NAGA: variants seen among roughly 807,000 people sequenced by gnomAD.
NAGA encodes Acetylgalactosaminidase, alpha-N- (alpha-galactosidase B).
In NAGA, 42 loss-of-function variants were observed where a neutral mutation model predicts 45.6. The observed-to-expected ratio is 0.92, with a 90% CI of 0.72 to 1.19. NAGA has a LOEUF of 1.19. NAGA is among the 50% of genes most tolerant of loss of function. The pLI is 0.00. For missense variants in NAGA, 493 were observed against 544.8 expected, an observed-to-expected ratio of 0.90 and a Z score of 0.95; for synonymous variants, 176 against 203.1, an observed-to-expected ratio of 0.87 and a Z score of 1.13.
In NAGA at chr22:42,061,040, G is replaced by A. The variant is rs121434530; in HGVS notation, c.985C>T (p.Arg329Trp). The A allele has an allele frequency of 6.2e-6, 10 of 1,614,164 alleles. No homozygotes were observed. Among genetic ancestry groups the A allele is most frequent in the East Asian group, 4.5e-5 (2 of 44,890 alleles). ...GCGCTAGCCTTGTTGGACAGAGGCC[G>A]CATGTACACTTCGATGAGAGATTTT... ...KEKSLIEVYMRPLSNKASALV... is the reference protein window; with the variant it reads ...KEKSLIEVYMWPLSNKASALV... The change falls in exon 8 of 9, where the codon CGG becomes TGG. Residue 329 changes from arginine (R) to tryptophan (W), a missense_variant. By Grantham distance (101) the Arg-to-Trp change is moderately radical. Transcript: ENST00000396398.
Position 42,062,919 on chromosome 22 carries a change from TG to T in NAGA, c.864del (p.Ile289SerfsTer14). 6.2e-7 allele frequency: 1 copy of T among 1,614,140 alleles called. No homozygotes were observed. Among genetic ancestry groups the T allele is most frequent in the African/African-American group, 1.3e-5 (1 of 75,026 alleles). ...AGAATGTCCATGTTCTGGGCGGAGA[TG>T]GTACGCAGGTCTGTGGACATCAAGA... Reference protein sequence around the residue: ...APLLMSTDLRTISAQNMDILQ... With the variant: ...APLLMSTDLRXISAQNMDILQ... On this transcript the variant is annotated frameshift_variant, in exon 7 of 9. Coordinates refer to ENST00000396398, the MANE Select transcript of NAGA (RefSeq NM_000262.3). LOFTEE classifies it high-confidence loss of function.
rs370950585 is a variant in NAGA at position 42,065,336 on chromosome 22, G to A, written c.759+402C>T. ...GACTGTGAGGGCCAGTTGTCCCTGT[G>A]GAGGATGAGGCAGGAAATTGACAAA... On this transcript the variant is annotated intron_variant, in intron 6 of 8. Coordinates refer to ENST00000396398, the MANE Select transcript of NAGA (RefSeq NM_000262.3). Among the ~76,000 whole-genome samples the A allele has an allele frequency of 1.1e-4, 16 of 152,330 alleles. No homozygotes were observed. In the South Asian group the frequency reaches 1.4e-3, roughly 14 times the overall value.
intron 4 of NAGA, 78 bp from the exon 5 acceptor site, chr22:42,066,882 A>G: frequency 6.8e-7 from 1 of 1,477,940 alleles, no homozygotes. Flanking sequence ...CCTTTTCCCA[A>G]CAGATGTGAA....
intron 8 of NAGA, 150 bp downstream of exon 8, chr22:42,060,774 C>T: frequency 2.8e-6 from 3 of 1,069,928 alleles, no homozygotes; most frequent in Non-Finnish European, 4.3e-6. Context: ...CTGGCTGCAG[C>T]TCTCAGTGCC....
At chr22:42,067,024 T>C in intron 4 of NAGA, 89 bp downstream of exon 4, 2 of 1,578,806 alleles carry the variant, frequency 1.3e-6, no homozygotes, top group East Asian at 2.2e-5. Flanking sequence ...GTAGGGGGAA[T>C]TGGGAAGCTC....
intron 4 of NAGA, 87 bp downstream of exon 4, chr22:42,067,026 G>A: frequency 4.4e-6 from 7 of 1,581,204 alleles, no homozygotes. Flanking sequence ...AGGGGGAATT[G>A]GGAAGCTCAG....
In NAGA at chr22:42,060,979, T is replaced by A. The variant is rs766416828; in HGVS notation, c.1046A>T (p.Tyr349Phe). The change falls in exon 8 of 9, where the codon TAT becomes TTT. Residue 349 changes from tyrosine to phenylalanine, a missense_variant. By Grantham distance (22) the Tyr-to-Phe change is conservative (BLOSUM62 3). Transcript: ENST00000396398. ...VFFSCRTDMP[Y>F]RYHSSLGQLN... The stretch of plus-strand genomic sequence containing the variant: ...CTGGCCAAGGGAGGAGTGGTAGCGA[T>A]AAGGCATATCGGTCCTGCAGCTGAA... 9.3e-6 allele frequency: 15 copies of A among 1,614,088 alleles called. No individual in the cohort carries two copies. In the South Asian group the frequency reaches 1.5e-4, roughly 17 times the overall value.
intron 1 of NAGA, 92 bp from the exon 2 acceptor site, chr22:42,068,666 C>A: frequency 6.6e-7 from 1 of 1,523,690 alleles, no homozygotes; most frequent in Non-Finnish European, 8.9e-7. Flanking sequence ...CTCAGCCCTA[C>A]AGAGGCTGCC....
At chr22:42,070,196 C>A (rs372856814) in intron 1 of NAGA, 86 bp downstream of exon 1, 34 of 1,451,838 alleles carry the variant, frequency 2.3e-5, no homozygotes, top group Non-Finnish European at 3.1e-5. Flanking sequence ...TGTCTCTCCA[C>A]ATACCCACAT....
intron 5 of NAGA, among the ~76,000 whole-genome samples, chr22:42,066,300 G>A (rs936730101): frequency 6.6e-6 from 1 of 152,158 alleles, no homozygotes; most frequent in Admixed American, 6.5e-5. Flanking sequence ...ACATGCTAAG[G>A]GAGCCCTCAT....
rs575031631 is a variant in NAGA, at chr22:42,069,162, C to T, written c.17-588G>A. Among the ~76,000 whole-genome samples, 6 of 152,260 alleles carry T rather than the reference C, an allele frequency of 3.9e-5. No homozygotes were observed. The East Asian group carries it at 1.2e-3, about 29-fold the overall frequency. ...AAGAGGATCACTTGAACCCCAGAGGCGGAGGCTGCAGTGAGCTGAGATCGT... is the reference window on the plus strand; with the variant it reads ...AAGAGGATCACTTGAACCCCAGAGGTGGAGGCTGCAGTGAGCTGAGATCGT... On this transcript the variant is annotated intron_variant, in intron 1 of 8. Coordinates refer to ENST00000396398, the MANE Select transcript of NAGA (RefSeq NM_000262.3).
chr22:42,060,544 G>T (rs892814406), intron 8 of NAGA, 131 bp from the exon 9 acceptor site: 8 of 1,299,056 alleles, frequency 6.2e-6, no homozygotes, highest in Non-Finnish European at 8.7e-6. Flanking sequence ...ATGCCCTACA[G>T]AAGTGGGAGC....
At chr22:42,062,123 C>T (rs983773989) in intron 7 of NAGA, among the ~76,000 whole-genome samples, 7 of 152,208 alleles carry the variant, frequency 4.6e-5, no homozygotes, top group African/African-American at 1.7e-4. Flanking sequence ...ACTCCCAGCA[C>T]ATGGTAGGTA....
At chr22:42,061,732 G>A (rs138732237) in intron 7 of NAGA, among the ~76,000 whole-genome samples, 2,583 of 152,214 alleles carry the variant, frequency 0.017, 268 homozygotes, top group Admixed American at 0.15. Flanking sequence ...ATCAGCTGAC[G>A]TCAGGAGTTT....
Position 42,065,889 on chromosome 22 carries a change from C to G in NAGA, c.608G>C (p.Ser203Thr), listed in dbSNP as rs771519843. 1 of 1,614,090 alleles carries G rather than the reference C, an allele frequency of 6.2e-7. No homozygotes were observed. The highest frequency in any genetic ancestry group is 8.5e-7 in the Non-Finnish European group (1 of 1,179,976). The change falls in exon 6 of 9, where the codon AGT becomes ACT. Residue 203 changes from serine to threonine, a missense_variant. Physicochemically the swap from Ser to Thr is moderately conservative, Grantham distance 58. Coordinates refer to ENST00000396398, the MANE Select transcript of NAGA (RefSeq NM_000262.3). ...EGGLPPRVNY[S>T]LLADICNLWR... ...GAGGTTGCAGATGTCCGCCAGCAGA[C>G]TGTAGTTCACCTGGATGTCGAGGGG...
rs748093520 is a variant in NAGA, at chr22:42,061,045, T to C, written c.980A>G (p.Tyr327Cys). The C allele has an allele frequency of 6.2e-7, 1 of 1,614,192 alleles. No homozygotes were observed. Among genetic ancestry groups the C allele is most frequent in the South Asian group, 1.1e-5 (1 of 91,090 alleles). The change falls in exon 8 of 9, where the codon TAC becomes TGC. Residue 327 changes from tyrosine to cysteine, a missense_variant. Transcript: ENST00000396398. Reference sequence around the variant, plus strand: ...AGCCTTGTTGGACAGAGGCCGCATGTACACTTCGATGAGAGATTTTTCCTG... The same window carrying C: ...AGCCTTGTTGGACAGAGGCCGCATGCACACTTCGATGAGAGATTTTTCCTG... ...IHKEKSLIEV[Y>C]MRPLSNKASA...
chr22:42,066,753 A>T lies in NAGA; in HGVS notation c.554T>A (p.Phe185Tyr), dbSNP rs1382855648. The T allele has an allele frequency of 2.5e-6, 4 of 1,607,458 alleles. No individual in the cohort carries two copies. The highest frequency in any genetic ancestry group is 3.4e-6 in the Non-Finnish European group (4 of 1,177,414). The change falls in exon 5 of 9, where the codon TTC (phenylalanine) becomes TAC (tyrosine). Residue 185 changes from phenylalanine (F) to tyrosine (Y), a missense_variant. Phe to Tyr is a conservative substitution (Grantham distance 22). Transcript: ENST00000396398. ...TTCATAGGCTGGCCAGCTGCAGGAG[A>T]AGGCGATGGGGCGGCCTGTGGCATT... ...ALNATGRPIA[F>Y]SCSWPAYEGG...
intron 7 of NAGA, among the ~76,000 whole-genome samples, chr22:42,062,338 C>T (rs538198099): frequency 3.9e-5 from 6 of 152,196 alleles, no homozygotes; most frequent in South Asian, 2.1e-4. Context: ...TGGTGGCAGG[C>T]GCCTGTAGTG....
intron 5 of NAGA, 102 bp from the exon 6 acceptor site, chr22:42,066,001 GGGGAAGA>G: frequency 2.1e-6 from 3 of 1,440,194 alleles, no homozygotes; most frequent in Non-Finnish European, 2.9e-6. Context: ...GACAGAGAGT[GGGGAAGA>G]GGGAAGAGAA....
Sources: gnomAD v4.1 joint callset for allele counts (sites outside exome capture counted in the v4.1 genomes callset) on GRCh38, gnomAD v4.1.1 for gene constraint, MANE v1.5 for transcripts, NCBI Gene and HGNC (gene_info 2026-07-23, HGNC 2026-07-21) for gene names.